Variants in NLGN1 observed in about 807,000 individuals in gnomAD.
The protein encoded by NLGN1 is neuroligin 1, also known as neuroligin-1.
NLGN1 carries 12 observed loss-of-function variants against 65.5 expected under a neutral mutation model. The ratio of observed to expected loss-of-function variants is 0.18; its 90% CI spans 0.12 to 0.30. NLGN1 has a LOEUF of 0.30. Ranked by LOEUF, NLGN1 falls within the 10% of genes least tolerant of loss-of-function variation. NLGN1 has a pLI of 1.00. For missense variants in NLGN1, 750 were observed against 1,007.1 expected (o/e 0.74, Z 3.46); for synonymous variants, 350 against 359.5 (o/e 0.97, Z 0.30).
intron 3 of NLGN1, among the ~76,000 whole-genome samples, chr3:173,713,470 C>T (rs1439516546): frequency 6.6e-6 from 1 of 152,128 alleles, no homozygotes; most frequent in East Asian, 1.9e-4. Flanking sequence ...AGAAGAATGG[C>T]ACCAAACACT....
chr3:174,070,947 C>G (rs1332721101), intron 4 of NLGN1, among the ~76,000 whole-genome samples: 4 of 151,954 alleles, frequency 2.6e-5, no homozygotes, highest in Non-Finnish European at 5.9e-5. Flanking sequence ...TGTAGCTACT[C>G]CAGAGGCTGA....
chr3:174,236,678 C>G (rs1741778321), intron 4 of NLGN1, among the ~76,000 whole-genome samples: 1 of 151,994 alleles, frequency 6.6e-6, no homozygotes, highest in South Asian at 2.1e-4. Context: ...ATGTTACAAT[C>G]AATATGTATT....
intron 4 of NLGN1, among the ~76,000 whole-genome samples, chr3:174,253,753 T>G (rs978825637): frequency 6.6e-6 from 1 of 152,180 alleles, no homozygotes; most frequent in African/African-American, 2.4e-5. Flanking sequence ...CTACTTGTTT[T>G]AATATTTCCT....
At chr3:174,071,734 A>T (rs949674430) in intron 4 of NLGN1, among the ~76,000 whole-genome samples, 1 of 151,944 alleles carries the variant, frequency 6.6e-6, no homozygotes, top group East Asian at 1.9e-4. Flanking sequence ...AAAAAAAAAA[A>T]AATCAAGTGT....
At chr3:174,187,905 T>C (rs894761674) in intron 4 of NLGN1, among the ~76,000 whole-genome samples, 1 of 152,032 alleles carries the variant, frequency 6.6e-6, no homozygotes, top group Non-Finnish European at 1.5e-5. Context: ...GACTGTGTTT[T>C]AGTTAACTTT....
At chr3:173,916,476 A>G (rs1579168707) in intron 4 of NLGN1, among the ~76,000 whole-genome samples, 2 of 152,168 alleles carry the variant, frequency 1.3e-5, no homozygotes, top group Non-Finnish European at 2.9e-5. Flanking sequence ...TAATTATAAT[A>G]TTTTATATCA....
chr3:173,539,685 TATATGTACATATGCACATATATAC>T (rs1738281563), intron 2 of NLGN1, among the ~76,000 whole-genome samples: 1 of 140,056 alleles, frequency 7.1e-6, no homozygotes, highest in Admixed American at 7.2e-5. Flanking sequence ...ATAACATACA[TATATGTACATATGCACATATATAC>T]ATATATGTAC....
chr3:173,543,898 C>A (rs551573815), intron 2 of NLGN1, among the ~76,000 whole-genome samples: 4 of 152,120 alleles, frequency 2.6e-5, no homozygotes, highest in Admixed American at 6.6e-5. Context: ...AGGTGAATGA[C>A]AGTAAACCAA....
intron 4 of NLGN1, among the ~76,000 whole-genome samples, chr3:173,865,517 T>C (rs1729967584): frequency 6.6e-6 from 1 of 152,156 alleles, no homozygotes; most frequent in South Asian, 2.1e-4. Context: ...TAAATCCCTA[T>C]GATTTCAAAA....
Position 173,766,129 on chromosome 3 carries a change from C to T in NLGN1, c.494-41551C>T, listed in dbSNP as rs564586914. On this transcript the variant is annotated intron_variant, in intron 3 of 6. Transcript: ENST00000457714. ...TCTGAGACAGAGTCTTGCTCTGTTACTCAGGCTGGAGTCCAATGGCGCCAT... is the reference window on the plus strand; with the variant it reads ...TCTGAGACAGAGTCTTGCTCTGTTATTCAGGCTGGAGTCCAATGGCGCCAT... Among the ~76,000 whole-genome samples, 7 of 147,562 alleles carry T rather than the reference C, an allele frequency of 4.7e-5. No individual in the cohort carries two copies. In the East Asian group the frequency reaches 1.4e-3, roughly 30 times the overall value.
intron 3 of NLGN1, among the ~76,000 whole-genome samples, chr3:173,760,201 C>T (rs1180983765): frequency 1.3e-5 from 2 of 151,920 alleles, no homozygotes; most frequent in Non-Finnish European, 2.9e-5. Context: ...TGAGCACATC[C>T]TATCTCAAAT....
intron 4 of NLGN1, among the ~76,000 whole-genome samples, chr3:173,817,314 A>C (rs1719229140): frequency 6.6e-6 from 1 of 152,232 alleles, no homozygotes; most frequent in Non-Finnish European, 1.5e-5. Flanking sequence ...GTTATAAGAC[A>C]CTGAGCAGGT....
intron 4 of NLGN1, among the ~76,000 whole-genome samples, chr3:173,868,811 A>G (rs1422823672): frequency 4.6e-5 from 7 of 152,182 alleles, no homozygotes; most frequent in Non-Finnish European, 8.8e-5. Flanking sequence ...AGGTGGTCTA[A>G]GGCTAATGTT....
At chr3:173,735,575 T>C (rs1773610605) in intron 3 of NLGN1, among the ~76,000 whole-genome samples, 1 of 152,006 alleles carries the variant, frequency 6.6e-6, no homozygotes, top group South Asian at 2.1e-4. Context: ...TGTTGTCAGC[T>C]GGCTGATTTC....
At chr3:173,698,997 C>T (rs1006645732) in intron 3 of NLGN1, among the ~76,000 whole-genome samples, 13 of 152,126 alleles carry the variant, frequency 8.5e-5, no homozygotes, top group African/African-American at 2.4e-4. Flanking sequence ...GCTGGGATTA[C>T]ACGCATGCGC....
intron 4 of NLGN1, among the ~76,000 whole-genome samples, chr3:174,266,847 T>TTTTC (rs1406034721): frequency 2.0e-5 from 3 of 152,228 alleles, no homozygotes; most frequent in Non-Finnish European, 4.4e-5. Flanking sequence ...TTAAAAACTT[T>TTTTC]TTTCTTTTAA....
intron 3 of NLGN1, among the ~76,000 whole-genome samples, chr3:173,742,813 T>C (rs1955248): frequency 0.68 from 103,788 of 151,932 alleles, 35,760 homozygotes; most frequent in East Asian, 0.85. Flanking sequence ...TATTAGTTGA[T>C]GTTTTAGGGA....
intron 2 of NLGN1, among the ~76,000 whole-genome samples, chr3:173,558,750 A>G (rs1420295510): frequency 6.6e-6 from 1 of 152,076 alleles, no homozygotes; most frequent in Admixed American, 6.5e-5. Flanking sequence ...TACCTGGGCC[A>G]TTTGTGGGTC....
chr3:174,106,201 A>G (rs1713754935), intron 4 of NLGN1, among the ~76,000 whole-genome samples: 1 of 152,190 alleles, frequency 6.6e-6, no homozygotes, highest in Non-Finnish European at 1.5e-5. Context: ...TAAAGTTTAT[A>G]TACTCACTCT....
Sources: gnomAD v4.1 joint callset for allele counts (sites outside exome capture counted in the v4.1 genomes callset) on GRCh38, gnomAD v4.1.1 for gene constraint, MANE v1.5 for transcripts, NCBI Gene and HGNC (gene_info 2026-07-23, HGNC 2026-07-21) for gene names.